Variants in KLF13 observed in about 807,000 individuals in gnomAD.
KLF13 encodes Krueppel-like factor 13.
A neutral mutation model predicts 16.7 loss-of-function variants in KLF13; 8 were observed. The observed-to-expected ratio is 0.48, with a 90% CI of 0.28 to 0.87. KLF13 has a LOEUF of 0.87. KLF13 is among the 40% of genes least tolerant of loss of function. The pLI, the probability that KLF13 is intolerant of heterozygous loss-of-function variation, is 0.10. For missense variants in KLF13, 447 were observed against 452.2 expected (o/e 0.99, Z 0.10); for synonymous variants, 245 against 208.4 (o/e 1.18, Z -1.51).
intron 1 of KLF13, among the ~76,000 whole-genome samples, chr15:31,387,709 T>C (rs963748098): frequency 2.6e-5 from 4 of 152,242 alleles, no homozygotes; most frequent in African/African-American, 9.6e-5. Flanking sequence ...GTCTGTGACA[T>C]GGTTCACAGA....
rs149083800 is a variant in KLF13 at position 31,433,696 on chromosome 15, C to T, written n.118-1674C>T. Among the ~76,000 whole-genome samples the T allele has an allele frequency of 1.2e-4, 19 of 152,336 alleles. 2 individuals are homozygous for T. The highest frequency in any genetic ancestry group is 4.3e-4 in the African/African-American group (18 of 41,576). On this transcript the variant is annotated intron_variant and non_coding_transcript_variant, in intron 1 of 1. Coordinates refer to the KLF13 transcript ENST00000558225. ...CCCAGGGAATGTCATCTCAAAGATACCTCTGCCCTGAGAGCCCAGCCCTGT... is the reference window on the plus strand; with the variant it reads ...CCCAGGGAATGTCATCTCAAAGATATCTCTGCCCTGAGAGCCCAGCCCTGT...
chr15:31,386,472 T>C (rs2140979545), intron 1 of KLF13, among the ~76,000 whole-genome samples: 1 of 152,236 alleles, frequency 6.6e-6, no homozygotes, highest in African/African-American at 2.4e-5. Flanking sequence ...GCACTCCACC[T>C]TGGGCAACAA....
chr15:31,431,211 C>A (rs146482594), intron 1 of KLF13, among the ~76,000 whole-genome samples: 2 of 152,132 alleles, frequency 1.3e-5, no homozygotes, highest in African/African-American at 4.8e-5. Context: ...GAGCCCTCAC[C>A]GAGAACCCAA....
chr15:31,387,091 G>C (rs748012617), intron 1 of KLF13, among the ~76,000 whole-genome samples: 1 of 152,234 alleles, frequency 6.6e-6, no homozygotes, highest in Non-Finnish European at 1.5e-5. Flanking sequence ...GACAGCAAAG[G>C]ATTTAGAATA....
intron 2 of KLF13, among the ~76,000 whole-genome samples, chr15:31,395,113 G>A (rs2039937190): frequency 6.6e-6 from 1 of 152,134 alleles, no homozygotes; most frequent in Non-Finnish European, 1.5e-5. Context: ...CTGAGTAGCT[G>A]GGATTGCAGA....
Position 31,376,434 on chromosome 15 carries a change from G to A in KLF13, c.*4135G>A, listed in dbSNP as rs1349626614. Reference sequence around the variant, plus strand: ...GGTCACATCACAACCAGTAAGAAACGCTTGGTAGGTTATCCACATCTTTTG... The same window carrying A: ...GGTCACATCACAACCAGTAAGAAACACTTGGTAGGTTATCCACATCTTTTG... On this transcript the variant is annotated 3_prime_UTR_variant, in exon 2 of 2. Transcript: ENST00000307145. 2.0e-5 allele frequency: 3 copies of A among 152,298 alleles called. No individual in the cohort carries two copies. Among genetic ancestry groups the A allele is most frequent in the African/African-American group, 4.8e-5 (2 of 41,444 alleles). The allele number at this position is 152,298 out of a possible 1,614,324, so 9.4% of individuals were successfully genotyped here.
chr15:31,378,235 A>T (rs1280199832), downstream of KLF13, among the ~76,000 whole-genome samples: 1 of 151,924 alleles, frequency 6.6e-6, no homozygotes, highest in Non-Finnish European at 1.5e-5. Flanking sequence ...CCCCCAAAAC[A>T]CCTGGACTTC....
Position 31,375,026 on chromosome 15 carries a change from C to T in KLF13, c.*2727C>T, listed in dbSNP as rs2039620848. 6.6e-6 allele frequency: 1 copy of T among 152,568 alleles called. No individual in the cohort carries two copies. Among genetic ancestry groups the T allele is most frequent in the African/African-American group, 2.4e-5 (1 of 41,404 alleles). The allele number at this position is 152,568 out of a possible 1,614,324, so 9.5% of individuals were successfully genotyped here. ...TTTGGCATAAGAGCGTGTCTTCATT[C>T]CCAAAGTGGTTCTCGTTTAATGGCA... is the stretch of plus-strand genomic sequence containing the variant. On this transcript the variant is annotated 3_prime_UTR_variant, in exon 2 of 2. Transcript: ENST00000307145.
exon 3 of KLF13, chr15:31,403,721 A>C (rs1371746771): frequency 6.6e-6 from 1 of 152,278 alleles, no homozygotes; most frequent in Non-Finnish European, 1.5e-5. Flanking sequence ...TAACAGATCT[A>C]GACTTCCTGC....
At chr15:31,347,338 A>G (rs1192465739) in intron 1 of KLF13, among the ~76,000 whole-genome samples, 1 of 152,156 alleles carries the variant, frequency 6.6e-6, no homozygotes, top group African/African-American at 2.4e-5. Context: ...GGAGCTGTGA[A>G]CAAGGCTTCC....
At chr15:31,348,700 A>C (rs1173515324) in intron 1 of KLF13, among the ~76,000 whole-genome samples, 2 of 152,030 alleles carry the variant, frequency 1.3e-5, no homozygotes, top group Non-Finnish European at 2.9e-5. Context: ...CTGGCATTGT[A>C]GAGTTTAAGC....
chr15:31,350,872 C>T (rs974417017), intron 1 of KLF13, among the ~76,000 whole-genome samples: 1 of 152,232 alleles, frequency 6.6e-6, no homozygotes, highest in Non-Finnish European at 1.5e-5. Flanking sequence ...CAGGCGCCTT[C>T]TGGGCAGCAG....
downstream of KLF13, among the ~76,000 whole-genome samples, chr15:31,378,600 C>T (rs1213464596): frequency 6.6e-6 from 1 of 152,206 alleles, no homozygotes; most frequent in African/African-American, 2.4e-5. Context: ...GTTCTAGCCA[C>T]AGCATGTAGA....
intron 1 of KLF13, among the ~76,000 whole-genome samples, chr15:31,365,349 AT>A (rs920845833): frequency 5.9e-5 from 9 of 152,094 alleles, no homozygotes; most frequent in Non-Finnish European, 1.2e-4. Flanking sequence ...GTGATGGCTC[AT>A]TTGCCTTTCC....
intron 1 of KLF13, among the ~76,000 whole-genome samples, chr15:31,368,551 T>C (rs1392632560): frequency 6.6e-6 from 1 of 152,136 alleles, no homozygotes; most frequent in African/African-American, 2.4e-5. Context: ...AACAAATACA[T>C]AGGATTTTTT....
intron 1 of KLF13, among the ~76,000 whole-genome samples, chr15:31,329,080 C>T (rs2038778229): frequency 6.6e-6 from 1 of 152,132 alleles, no homozygotes; most frequent in African/African-American, 2.4e-5. Context: ...GCTTTCAGAT[C>T]TCGGACTAAC....
chr15:31,328,119 G>A (rs2038753981), intron 1 of KLF13, among the ~76,000 whole-genome samples: 1 of 150,162 alleles, frequency 6.7e-6, no homozygotes, highest in Non-Finnish European at 1.5e-5. Flanking sequence ...GGCGGCGCGG[G>A]CAGGTGCGGG....
chr15:31,367,280 C>T (rs913133568), intron 1 of KLF13, among the ~76,000 whole-genome samples: 51 of 152,230 alleles, frequency 3.4e-4, no homozygotes, highest in Non-Finnish European at 1.0e-4. Flanking sequence ...TTGGCCGTCA[C>T]CTCTCTGCAG....
intron 1 of KLF13, among the ~76,000 whole-genome samples, chr15:31,363,138 C>A (rs1417198390): frequency 1.3e-5 from 2 of 152,192 alleles, no homozygotes; most frequent in East Asian, 3.8e-4. Context: ...AGTTTGTACT[C>A]CCATCAGCAA....
Sources: allele counts gnomAD v4.1 joint callset (sites outside exome capture counted in the v4.1 genomes callset), GRCh38; gene constraint gnomAD v4.1.1; transcripts MANE v1.5; gene names NCBI Gene and HGNC (gene_info 2026-07-23, HGNC 2026-07-21).